BOK: variants seen among roughly 807,000 people sequenced by gnomAD.
The protein encoded by BOK is BCL2 family apoptosis regulator BOK, also known as bcl-2-related ovarian killer protein.
In BOK, 20 loss-of-function variants were observed where a neutral mutation model predicts 18.3. The ratio of observed to expected loss-of-function variants is 1.09; its 90% CI spans 0.77 to 1.59. The LOEUF (loss-of-function observed/expected upper bound fraction) is 1.59, where lower values mean the gene tolerates loss of function less well. Ranked by LOEUF, BOK falls within the 40% of genes most tolerant of loss-of-function variation. The probability of loss-of-function intolerance (pLI) is 0.00; values close to 1 mark genes in which losing one functional copy is unlikely to be tolerated. For synonymous variants in BOK, 173 were observed against 142.4 expected (o/e 1.21, Z -1.53); for missense variants, 348 against 307.9 (o/e 1.13, Z -0.97).
chr2:241,572,038 G>A (rs1009340580), intron 4 of BOK, among the ~76,000 whole-genome samples: 2 of 152,204 alleles, frequency 1.3e-5, no homozygotes, highest in African/African-American at 2.4e-5. Context: ...GGGGCCCTCC[G>A]GCCGGCCTGC....
At chr2:241,561,453 T>A (rs2066526195) in intron 2 of BOK, among the ~76,000 whole-genome samples, 1 of 146,136 alleles carries the variant, frequency 6.8e-6, no homozygotes, top group Admixed American at 6.8e-5. Flanking sequence ...CCAGCCCAGG[T>A]GGGAGCGTGG....
In BOK at chr2:241,559,623, G is replaced by A. The variant is rs1287466242; in HGVS notation, c.140G>A (p.Gly47Asp). 1.4e-6 allele frequency: 2 copies of A among 1,467,550 alleles called. No individual in the cohort carries two copies. The highest frequency in any genetic ancestry group is 2.9e-5 in the East Asian group (1 of 34,106). 90.9% of individuals were successfully genotyped at this position (1,467,550 alleles called of 1,614,324 possible). A position where few individuals can be genotyped will look rare whatever the true frequency, so the allele number is the denominator to read the frequency against. ...GTGCACGCGCGGCTGCTGCGCGCCGGCCTCTCCTGGAGCGCGCCCGAGCGT... is the reference window on the plus strand; with the variant it reads ...GTGCACGCGCGGCTGCTGCGCGCCGACCTCTCCTGGAGCGCGCCCGAGCGT... Reference protein sequence around the residue: ...EYVHARLLRAGLSWSAPERAA... With the variant: ...EYVHARLLRADLSWSAPERAA... Residue 47 changes from glycine (G) to aspartate (D), a missense_variant, in exon 2 of 5, where the codon GGC becomes GAC. Transcript: ENST00000318407.
chr2:241,566,054 G>T (rs2125051126), intron 3 of BOK, among the ~76,000 whole-genome samples: 1 of 152,188 alleles, frequency 6.6e-6, no homozygotes, highest in Admixed American at 6.5e-5. Flanking sequence ...GGAGGCCGAG[G>T]TGGGTGGATC....
upstream of BOK, among the ~76,000 whole-genome samples, chr2:241,556,323 G>A (rs1348594761): frequency 6.6e-6 from 1 of 152,178 alleles, no homozygotes; most frequent in African/African-American, 2.4e-5. Flanking sequence ...TGTGGCTTAC[G>A]CCTATAATCC....
chr2:241,569,501 C>G (rs1213270309), intron 3 of BOK, among the ~76,000 whole-genome samples: 1 of 152,216 alleles, frequency 6.6e-6, no homozygotes, highest in African/African-American at 2.4e-5. Context: ...TGAAGGTAAA[C>G]ATTTTTCGTG....
intron 2 of BOK, 81 bp downstream of exon 2, chr2:241,559,784 T>C: frequency 8.0e-7 from 1 of 1,256,118 alleles, no homozygotes; most frequent in East Asian, 3.2e-5. Flanking sequence ...GAGATGGGGG[T>C]CCGGCCCAGG....
rs2066633641 is a variant in BOK, at chr2:241,567,489, A to G, written c.350-2636A>G. 1.5e-5 allele frequency among the ~76,000 whole-genome samples: 2 copies of G among 135,342 alleles called. 1 individual carries two copies. The highest frequency in any genetic ancestry group is 5.8e-5 in the African/African-American group (2 of 34,598). 88.8% of individuals were successfully genotyped at this position (135,342 alleles called of 152,430 possible). Reference sequence around the variant, plus strand: ...ACAGGTTGTCCCGCAAGCCACACGCAGTGCTGACATCAGGCTCCGCTCCCC... The same window carrying G: ...ACAGGTTGTCCCGCAAGCCACACGCGGTGCTGACATCAGGCTCCGCTCCCC... On this transcript the variant is annotated intron_variant, in intron 3 of 4. Coordinates refer to ENST00000318407, the MANE Select transcript of BOK (RefSeq NM_032515.5).
rs2066546279 is a variant in BOK at position 241,562,558 on chromosome 2, T to G, written c.349+82T>G. On this transcript the variant is annotated intron_variant, in intron 3 of 4. Transcript: ENST00000318407. This position sits in a 1 kb window ranked among gnomAD's most constrained non-coding sequence, Gnocchi z 4.5. ...TCAGGCTCACAGGGACCCCACGAGC[T>G]GGCCCCCACCCATCCTGGCGCTGCC... 6.7e-7 allele frequency: 1 copy of G among 1,492,914 alleles called. No homozygotes were observed. Among genetic ancestry groups the G allele is most frequent in the Non-Finnish European group, 8.9e-7 (1 of 1,122,072 alleles). The allele number at this position is 1,492,914 out of a possible 1,614,324, so 92.5% of individuals were successfully genotyped here. A position where few individuals can be genotyped will look rare whatever the true frequency, so the allele number is the denominator to read the frequency against.
chr2:241,572,575 C>G lies in BOK; in HGVS notation c.*153C>G. ...CCCCGTTCCTCCGCAGACCCAGGCC[C>G]TCCGGAAGGGGTGAGTGGGGAGGGG... On this transcript the variant is annotated 3_prime_UTR_variant, in exon 5 of 5. Coordinates refer to ENST00000318407, the MANE Select transcript of BOK (RefSeq NM_032515.5). 8.1e-7 allele frequency: 1 copy of G among 1,232,084 alleles called. No individual in the cohort carries two copies. Among genetic ancestry groups the G allele is most frequent in the Non-Finnish European group, 1.1e-6 (1 of 905,364 alleles). 76.3% of individuals were successfully genotyped at this position (1,232,084 alleles called of 1,614,324 possible).
rs774361001 is a variant in BOK at position 241,559,466 on chromosome 2, C to T, written c.-18C>T. The T allele has an allele frequency of 4.8e-6, 7 of 1,449,450 alleles. No homozygotes were observed. In the Admixed American group the frequency reaches 1.8e-4, roughly 37 times the overall value. The allele number at this position is 1,449,450 out of a possible 1,614,324, so 89.8% of individuals were successfully genotyped here. On this transcript the variant is annotated 5_prime_UTR_variant, in exon 2 of 5. Coordinates refer to ENST00000318407, the MANE Select transcript of BOK (RefSeq NM_032515.5). ...GCTTGTGCCCGCAGGTGCGGCGCCCCCCACCCGCGTCGCCGCCATGGAGGT... is the reference window on the plus strand; with the variant it reads ...GCTTGTGCCCGCAGGTGCGGCGCCCTCCACCCGCGTCGCCGCCATGGAGGT...
rs539508654 is a variant in BOK, at chr2:241,573,568, G to A, written c.*1146G>A. ...AAGAGTATGACACCCACTTGTGATG[G>A]GGTCCTTGTGCGGTGGGGACCGGGG... On this transcript the variant is annotated 3_prime_UTR_variant, in exon 5 of 5. Transcript: ENST00000318407. 5.9e-5 allele frequency: 9 copies of A among 152,580 alleles called. No homozygotes were observed. Among genetic ancestry groups the A allele is most frequent in the African/African-American group, 1.9e-4 (8 of 41,590 alleles). The allele number at this position is 152,580 out of a possible 1,614,324, so 9.5% of individuals were successfully genotyped here. A position where few individuals can be genotyped will look rare whatever the true frequency, so the allele number is the denominator to read the frequency against.
rs1446855153 is a variant in BOK, at chr2:241,558,941, C to G, written c.-82C>G. On this transcript the variant is annotated 5_prime_UTR_variant, in exon 1 of 5. Coordinates refer to ENST00000318407, the MANE Select transcript of BOK (RefSeq NM_032515.5). ...GGTCGAGGTCGTCGTCGGCGGCGAG[C>G]AGATCCTGAAGCCAGAACTCCACCC... The G allele has an allele frequency of 3.3e-5, 5 of 151,936 alleles. No homozygotes were observed. Among genetic ancestry groups the G allele is most frequent in the African/African-American group, 9.6e-5 (4 of 41,524 alleles). 9.4% of individuals were successfully genotyped at this position (151,936 alleles called of 1,614,324 possible).
chr2:241,568,106 G>GAGCCCC (rs1447999193), intron 3 of BOK, among the ~76,000 whole-genome samples: 7 of 151,888 alleles, frequency 4.6e-5, no homozygotes, highest in African/African-American at 1.7e-4. Flanking sequence ...GCCTGCCTCA[G>GAGCCCC]AGCCCCATGC....
At chr2:241,559,735 G>C in intron 2 of BOK, 32 bp downstream of exon 2, 2 of 1,285,966 alleles carry the variant, frequency 1.6e-6, no homozygotes, top group Non-Finnish European at 2.0e-6. Context: ...CCCCAGCTGC[G>C]CCTCCTCCCC....
Position 241,553,317 on chromosome 2 carries a change from A to AT in BOK, n.54+1846dup, listed in dbSNP as rs535558713. On this transcript the variant is annotated intron_variant and non_coding_transcript_variant, in intron 1 of 1. Coordinates refer to the BOK transcript ENST00000641230. The stretch of plus-strand genomic sequence containing the variant: ...AGGTGCCCGCTACCACACCCAGCTA[A>AT]TTTTTTGTATTTTTAGTAGAGACGG... Among the ~76,000 whole-genome samples, 1,097 of 152,146 alleles carry AT rather than the reference A, an allele frequency of 7.2e-3. 11 individuals carry two copies. The highest frequency in any genetic ancestry group is 0.024 in the African/African-American group (1,009 of 41,496).
At position 241,572,614 on chromosome 2, in the gene BOK, G is replaced by C; in HGVS notation, c.*192G>C. ...AGTGGGGAGGGGCTTTCCTGAGCCT[G>C]GAGCTGGGCTTTGGGGCAGCCTGCG... On this transcript the variant is annotated 3_prime_UTR_variant, in exon 5 of 5. Transcript: ENST00000318407. The C allele has an allele frequency of 1.2e-6, 1 of 834,220 alleles. No homozygotes were observed. The highest frequency in any genetic ancestry group is 1.8e-6 in the Non-Finnish European group (1 of 550,772). 51.7% of individuals were successfully genotyped at this position (834,220 alleles called of 1,614,324 possible).
rs781154517 is a variant in BOK, at chr2:241,570,282, C to T, written c.507C>T (p.Gly169=). 68 of 1,556,478 alleles carry T rather than the reference C, an allele frequency of 4.4e-5. No homozygotes were observed. In the East Asian group the frequency reaches 7.2e-4, roughly 17 times the overall value. The change falls in exon 4 of 5, where the codon GGC becomes GGT. Residue 169 remains glycine, a synonymous_variant. Transcript: ENST00000318407. ...TGGCAACCTGGCTGCGGAGACGCGGCGGATGGGTGAGCGCCTGAGTGCCCG... is the reference window on the plus strand; with the variant it reads ...TGGCAACCTGGCTGCGGAGACGCGGTGGATGGGTGAGCGCCTGAGTGCCCG... ...KTLATWLRRR[G]GWTDVLKCVV...
At chr2:241,563,549 T>G (rs2066564710) in intron 3 of BOK, among the ~76,000 whole-genome samples, 1 of 152,184 alleles carries the variant, frequency 6.6e-6, no homozygotes, top group African/African-American at 2.4e-5. Flanking sequence ...TGCGCAGGAT[T>G]CCCTGAAGCT....
intron 3 of BOK, among the ~76,000 whole-genome samples, chr2:241,564,641 T>C (rs1163010768): frequency 2.0e-5 from 3 of 152,048 alleles, no homozygotes; most frequent in Non-Finnish European, 1.5e-5. Context: ...GGCAAGCTGG[T>C]GCCCGCCCCT....
Sources: allele counts gnomAD v4.1 joint callset (sites outside exome capture counted in the v4.1 genomes callset), GRCh38; gene constraint gnomAD v4.1.1; non-coding constraint Gnocchi (gnomAD v3.1); transcripts MANE v1.5; gene names NCBI Gene and HGNC (gene_info 2026-07-23, HGNC 2026-07-21).